Variants in UIMC1 observed in about 807,000 individuals in gnomAD.
UIMC1 encodes BRCA1-A complex subunit RAP80.
In UIMC1, 42 loss-of-function variants were observed where a neutral mutation model predicts 84.9. The observed-to-expected ratio is 0.49, with a 90% CI of 0.39 to 0.64. The LOEUF is 0.64. Ranked by LOEUF, UIMC1 falls within the 30% of genes least tolerant of loss-of-function variation. The pLI is 0.00. For synonymous variants in UIMC1, 281 were observed against 293.0 expected, an observed-to-expected ratio of 0.96 and a Z score of 0.42; for missense variants, 825 against 847.6, an observed-to-expected ratio of 0.97 and a Z score of 0.33.
At chr5:176,960,200 A>G (rs908119564) in intron 6 of UIMC1, among the ~76,000 whole-genome samples, 1 of 152,244 alleles carries the variant, frequency 6.6e-6, no homozygotes, top group African/African-American at 2.4e-5. Context: ...TAAATCATAT[A>G]GTTGGTCAAA....
At position 177,019,742 on chromosome 5, in the gene UIMC1, G is replaced by A. The variant is rs192576127; in HGVS notation, c.-9+2722C>T. ...AGGCCAGGAGTTCAAGACCAGCCTG[G>A]CCAACAAGATGAAACCCCGTCTCTA... is the stretch of plus-strand genomic sequence containing the variant. On this transcript the variant is annotated intron_variant, in intron 1 of 5. Coordinates refer to the UIMC1 transcript ENST00000509236. Among the ~76,000 whole-genome samples, 664 of 152,146 alleles carry A rather than the reference G, an allele frequency of 4.4e-3. 5 individuals are homozygous for A. Among genetic ancestry groups the A allele is most frequent in the Non-Finnish European group, 6.9e-3 (471 of 68,008 alleles).
At chr5:176,915,395 A>G (rs1371456632) in intron 10 of UIMC1, among the ~76,000 whole-genome samples, 1 of 151,926 alleles carries the variant, frequency 6.6e-6, no homozygotes, top group South Asian at 2.1e-4. Flanking sequence ...GACTTTATAA[A>G]CATCTTTATC....
chr5:176,993,526 A>G (rs1208998265), intron 1 of UIMC1, among the ~76,000 whole-genome samples: 2 of 152,062 alleles, frequency 1.3e-5, no homozygotes, highest in East Asian at 3.9e-4. Context: ...ATATCTAATC[A>G]TCATGGCACG....
intron 3 of UIMC1, among the ~76,000 whole-genome samples, chr5:176,972,636 T>C (rs891561124): frequency 7.9e-5 from 12 of 151,914 alleles, no homozygotes; most frequent in African/African-American, 2.4e-4. Flanking sequence ...CTCGGGAGGC[T>C]GAGGTAGGAG....
intron 1 of UIMC1, among the ~76,000 whole-genome samples, chr5:176,995,377 C>T (rs537426152): frequency 2.8e-4 from 42 of 151,464 alleles, no homozygotes; most frequent in African/African-American, 9.7e-4. Context: ...AGTGAAACCC[C>T]GTCTTTACTA....
intron 1 of UIMC1, among the ~76,000 whole-genome samples, chr5:177,000,570 G>A (rs1037914708): frequency 4.9e-5 from 7 of 143,720 alleles, no homozygotes; most frequent in African/African-American, 1.1e-4. Flanking sequence ...GCACAATCTC[G>A]GCTCACTGCA....
At chr5:176,992,494 A>T (rs1053801618) in intron 1 of UIMC1, among the ~76,000 whole-genome samples, 7 of 151,822 alleles carry the variant, frequency 4.6e-5, no homozygotes, top group Admixed American at 1.3e-4. Flanking sequence ...AAGTAAATAA[A>T]GCTTTCTTAG....
chr5:176,983,114 G>A (rs1270050405), intron 1 of UIMC1, among the ~76,000 whole-genome samples: 1 of 151,960 alleles, frequency 6.6e-6, no homozygotes, highest in African/African-American at 2.4e-5. Flanking sequence ...GGTTACAGGA[G>A]TGAGCCACCA....
intron 2 of UIMC1, among the ~76,000 whole-genome samples, chr5:176,975,877 GA>G: frequency 6.6e-6 from 1 of 151,830 alleles, no homozygotes; most frequent in Admixed American, 6.6e-5. Flanking sequence ...TAAAGGAAAG[GA>G]AAAAGAGGGT....
Position 176,951,576 on chromosome 5 carries a change from C to A in UIMC1, c.1341G>T (p.Glu447Asp). 6.4e-7 allele frequency: 1 copy of A among 1,557,218 alleles called. No individual in the cohort carries two copies. The highest frequency in any genetic ancestry group is 8.6e-7 in the Non-Finnish European group (1 of 1,158,682). ...SSAEEITVCP[E>D]TQLSSSETFD... ...AAGTTTCAGAGGAACTTAGCTGGGT[C>A]TCTGTAATTTAAAAAAGTTAAAATC... The change falls in exon 9 of 15, where the codon GAG becomes GAT. Residue 447 changes from glutamate to aspartate, a missense_variant and splice_region_variant. Coordinates refer to ENST00000511320, the MANE Select transcript of UIMC1 (RefSeq NM_001199298.2).
At chr5:176,978,372 C>CA (rs1311429427) in intron 2 of UIMC1, among the ~76,000 whole-genome samples, 3 of 150,816 alleles carry the variant, frequency 2.0e-5, no homozygotes, top group Non-Finnish European at 2.9e-5. Flanking sequence ...GACTCTGTCT[C>CA]AAAAAAAATA....
intron 10 of UIMC1, among the ~76,000 whole-genome samples, chr5:176,934,167 A>G (rs1459192925): frequency 6.6e-6 from 1 of 152,168 alleles, no homozygotes; most frequent in Admixed American, 6.6e-5. Context: ...TATTTCACTA[A>G]CAGCAGGATA....
chr5:176,948,001 C>A (rs1252300065), intron 9 of UIMC1, among the ~76,000 whole-genome samples: 1 of 151,962 alleles, frequency 6.6e-6, no homozygotes, highest in Non-Finnish European at 1.5e-5. Flanking sequence ...CTCCATCCCT[C>A]CCCCACCCAA....
At chr5:176,991,617 T>G (rs1197535608) in intron 1 of UIMC1, among the ~76,000 whole-genome samples, 1 of 99,698 alleles carries the variant, frequency 1.0e-5, no homozygotes, top group East Asian at 2.8e-4. Flanking sequence ...GCAACAAGAG[T>G]GAAACTCCGT....
chr5:176,944,311 T>TA (rs748941690), intron 9 of UIMC1, among the ~76,000 whole-genome samples: 2 of 152,244 alleles, frequency 1.3e-5, no homozygotes, highest in African/African-American at 2.4e-5. Context: ...AAGCCACTCT[T>TA]AAACCTATCT....
At position 176,905,389 on chromosome 5, in the gene UIMC1, T is replaced by C. The variant is rs1040781748; in HGVS notation, c.2053A>G (p.Ile685Val). 4 of 1,613,998 alleles carry C rather than the reference T, an allele frequency of 2.5e-6. No individual in the cohort carries two copies. The African/African-American group carries it at 5.3e-5, about 22-fold the overall frequency. ...NESPVKSFVS[I>V]SEATDCLVDF... ...ACTAAGCAATCTGTGGCTTCTGAAA[T>C]GGAAACAAAAGACTTGACGGGAGAT... The change falls in exon 15 of 15, where the codon ATT (isoleucine) becomes GTT (valine). Residue 685 changes from isoleucine to valine, a missense_variant. Physicochemically the swap from Ile to Val is conservative, Grantham distance 29. Transcript: ENST00000511320.
chr5:176,995,499 T>G (rs1486844496), intron 1 of UIMC1, among the ~76,000 whole-genome samples: 1 of 129,882 alleles, frequency 7.7e-6, no homozygotes, highest in Non-Finnish European at 1.5e-5. Flanking sequence ...ACCATACCAC[T>G]GCACTCCAGA....
At chr5:176,991,748 C>T (rs1019301834) in intron 1 of UIMC1, among the ~76,000 whole-genome samples, 11 of 151,510 alleles carry the variant, frequency 7.3e-5, no homozygotes, top group Non-Finnish European at 1.3e-4. Flanking sequence ...CTGGCTAACA[C>T]GGTGAAACCC....
intron 10 of UIMC1, among the ~76,000 whole-genome samples, chr5:176,912,759 G>A (rs1299627948): frequency 6.6e-6 from 1 of 151,786 alleles, no homozygotes; most frequent in Non-Finnish European, 1.5e-5. Flanking sequence ...TCCGCCTCCC[G>A]AGTTCAAGTG....
Sources: gnomAD v4.1 joint callset for allele counts (sites outside exome capture counted in the v4.1 genomes callset) on GRCh38, gnomAD v4.1.1 for gene constraint, MANE v1.5 for transcripts, NCBI Gene and HGNC (gene_info 2026-07-23, HGNC 2026-07-21) for gene names.